ZNF503: variants seen among roughly 807,000 people sequenced by gnomAD.
The protein encoded by ZNF503 is zinc finger protein 503.
ZNF503 carries 15 observed loss-of-function variants against 34.4 expected under a neutral mutation model. The observed-to-expected ratio is 0.44, with a 90% CI of 0.29 to 0.67. The LOEUF is 0.67. Among genes scored for constraint, ZNF503 ranks in the 30% least tolerant of loss-of-function variants. ZNF503 has a pLI of 0.13. For synonymous variants in ZNF503, 580 were observed against 456.8 expected (o/e 1.27, Z -3.44); for missense variants, 1,007 against 926.8 (o/e 1.09, Z -1.12).
chr10:75,393,137 G>A (rs1843661524), downstream of ZNF503, among the ~76,000 whole-genome samples: 1 of 152,236 alleles, frequency 6.6e-6, no homozygotes, highest in Non-Finnish European at 1.5e-5. Context: ...TAATAGCCCA[G>A]ATACCCCCTG....
At chr10:75,282,025 T>G in the ZNF503 span, among the ~76,000 whole-genome samples, 1 of 152,258 alleles carries the variant, frequency 6.6e-6, no homozygotes, top group African/African-American at 2.4e-5. Flanking sequence ...TGGCAGACAC[T>G]GTCCATTGCA....
At chr10:75,362,505 C>A in the ZNF503 span, among the ~76,000 whole-genome samples, 1 of 152,060 alleles carries the variant, frequency 6.6e-6, no homozygotes, top group Admixed American at 6.6e-5. Context: ...TCTCTAACTT[C>A]GAATTTCCCA....
the ZNF503 span, among the ~76,000 whole-genome samples, chr10:75,311,356 T>C: frequency 2.3e-4 from 35 of 152,320 alleles, no homozygotes; most frequent in South Asian, 7.3e-3. Context: ...TAATCTCCTT[T>C]GGCAACACCC....
the ZNF503 span, among the ~76,000 whole-genome samples, chr10:75,378,433 G>A: frequency 5.8e-4 from 88 of 152,156 alleles, no homozygotes; most frequent in African/African-American, 2.0e-3. Flanking sequence ...CACTGCCTCA[G>A]CTCCCATGGC....
chr10:75,369,377 G>C, the ZNF503 span, among the ~76,000 whole-genome samples: 1 of 152,142 alleles, frequency 6.6e-6, no homozygotes, highest in African/African-American at 2.4e-5. Flanking sequence ...TTGAATCATA[G>C]GGGTGGTTTC....
chr10:75,380,337 T>G, the ZNF503 span, among the ~76,000 whole-genome samples: 1 of 152,096 alleles, frequency 6.6e-6, no homozygotes, highest in Non-Finnish European at 1.5e-5. Context: ...ATGTTACAGA[T>G]GAGGAAACTG....
At chr10:75,360,324 C>T in the ZNF503 span, among the ~76,000 whole-genome samples, 6 of 151,846 alleles carry the variant, frequency 4.0e-5, no homozygotes, top group Admixed American at 1.3e-4. Context: ...GATGGGGTTT[C>T]GCCGTGTTAG....
At chr10:75,298,182 A>G in the ZNF503 span, among the ~76,000 whole-genome samples, 1 of 152,212 alleles carries the variant, frequency 6.6e-6, no homozygotes, top group Non-Finnish European at 1.5e-5. Context: ...TCCATTTTTT[A>G]AAAATAATTT....
chr10:75,325,120 T>G, the ZNF503 span, among the ~76,000 whole-genome samples: 1 of 152,150 alleles, frequency 6.6e-6, no homozygotes, highest in Non-Finnish European at 1.5e-5. Context: ...TCTAGGAGTG[T>G]TGAGTTAATT....
the ZNF503 span, among the ~76,000 whole-genome samples, chr10:75,374,520 ACTCTC>A: frequency 6.6e-6 from 1 of 151,386 alleles, no homozygotes; most frequent in Non-Finnish European, 1.5e-5. Flanking sequence ...CCCAGCTCAC[ACTCTC>A]CTCTCCTTCA....
Position 75,399,555 on chromosome 10 carries a change from C to G in ZNF503, c.1135G>C (p.Val379Leu). ...GYPPQFLPHG[V>L]ALDPTKPGSL... ...CCCGGCTTGGTGGGGTCAAGTGCCA[C>G]GCCGTGTGGCAGGAACTGGGGCGGG... The change falls in exon 2 of 2, where the codon GTG (valine) becomes CTG (leucine). Residue 379 changes from valine (V) to leucine (L), a missense_variant. By Grantham distance (32) the Val-to-Leu change is conservative. Transcript: ENST00000372524. The G allele has an allele frequency of 1.3e-6, 2 of 1,594,792 alleles. No homozygotes were observed. Among genetic ancestry groups the G allele is most frequent in the Non-Finnish European group, 1.7e-6 (2 of 1,178,368 alleles).
chr10:75,289,437 A>G, the ZNF503 span, among the ~76,000 whole-genome samples: 1 of 152,136 alleles, frequency 6.6e-6, no homozygotes, highest in African/African-American at 2.4e-5. Context: ...GAATTTGGAT[A>G]GGGCACACTG....
At chr10:75,329,594 T>C in the ZNF503 span, among the ~76,000 whole-genome samples, 2 of 152,080 alleles carry the variant, frequency 1.3e-5, no homozygotes, top group Non-Finnish European at 2.9e-5. Context: ...GCTTCCCAAG[T>C]AGCTGGGACT....
At chr10:75,346,462 GCT>G in the ZNF503 span, among the ~76,000 whole-genome samples, 1 of 135,010 alleles carries the variant, frequency 7.4e-6, no homozygotes, top group Admixed American at 7.9e-5. Context: ...TCAGGGTCTT[GCT>G]CTGTCACCCG....
the ZNF503 span, among the ~76,000 whole-genome samples, chr10:75,308,067 C>G: frequency 6.6e-6 from 1 of 152,136 alleles, no homozygotes; most frequent in Admixed American, 6.5e-5. Context: ...GGCAACATAG[C>G]AAGACCCTTG....
the ZNF503 span, among the ~76,000 whole-genome samples, chr10:75,367,260 T>C: frequency 2.0e-5 from 3 of 152,088 alleles, no homozygotes; most frequent in African/African-American, 7.2e-5. Flanking sequence ...GACCTCCCTC[T>C]CTGGCTTCTC....
At chr10:75,307,274 C>T in the ZNF503 span, among the ~76,000 whole-genome samples, 3 of 152,162 alleles carry the variant, frequency 2.0e-5, no homozygotes, top group Non-Finnish European at 2.9e-5. Flanking sequence ...GTGAAACAGC[C>T]TTATTGCTGA....
the ZNF503 span, among the ~76,000 whole-genome samples, chr10:75,337,313 A>G: frequency 6.7e-6 from 1 of 148,286 alleles, no homozygotes; most frequent in African/African-American, 2.5e-5. Flanking sequence ...TGGGCAACAA[A>G]GTGAAAACCT....
Position 75,399,931 on chromosome 10 carries a change from G to A in ZNF503, c.759C>T (p.Asp253=). Residue 253 remains aspartate, a synonymous_variant, in exon 2 of 2, where the codon GAC becomes GAT. Coordinates refer to ENST00000372524, the MANE Select transcript of ZNF503 (RefSeq NM_032772.6). ...CGCCCACGTCGGTGTCTTTCTTGTC[G>A]TCCTTGCCCTCCGGGGCACCCCCGG... is the stretch of plus-strand genomic sequence containing the variant. ...SSAGGAPEGK[D]DKKDTDVGGG... 6.2e-7 allele frequency: 1 copy of A among 1,606,474 alleles called. No individual in the cohort carries two copies.
Sources: gnomAD v4.1 joint callset for allele counts (sites outside exome capture counted in the v4.1 genomes callset) on GRCh38, gnomAD v4.1.1 for gene constraint, MANE v1.5 for transcripts, NCBI Gene and HGNC (gene_info 2026-07-23, HGNC 2026-07-21) for gene names.